SCFD2: variants seen among roughly 807,000 people sequenced by gnomAD.
SCFD2 encodes sec1 family domain containing 2, also known as sec1 family domain-containing protein 2.
SCFD2 carries 54 observed loss-of-function variants against 58.9 expected under a neutral mutation model. The observed-to-expected ratio is 0.92, with a 90% confidence interval of 0.74 to 1.15. The LOEUF (loss-of-function observed/expected upper bound fraction) is 1.15, where lower values mean the gene tolerates loss of function less well. SCFD2 is among the 50% of genes most tolerant of loss of function. The probability of loss-of-function intolerance (pLI) is 0.00; values close to 1 mark genes in which losing one functional copy is unlikely to be tolerated. For synonymous variants in SCFD2, 321 were observed against 335.9 expected (o/e 0.96, Z 0.49); for missense variants, 805 against 836.6 (o/e 0.96, Z 0.47).
At chr4:53,361,563 A>G (rs1438888180) in intron 1 of SCFD2, among the ~76,000 whole-genome samples, 3 of 152,032 alleles carry the variant, frequency 2.0e-5, no homozygotes, top group African/African-American at 7.2e-5. Context: ...TACCTGGCTA[A>G]TTTTTGTATT....
chr4:53,053,598 G>A (rs531794662), intron 5 of SCFD2, among the ~76,000 whole-genome samples: 3 of 152,070 alleles, frequency 2.0e-5, no homozygotes, highest in South Asian at 2.1e-4. Flanking sequence ...ACTGTGCTCC[G>A]ATCATATGGC....
chr4:53,210,502 G>T (rs1216074028), intron 4 of SCFD2, among the ~76,000 whole-genome samples: 1 of 152,090 alleles, frequency 6.6e-6, no homozygotes, highest in East Asian at 1.9e-4. Flanking sequence ...CAGATTGAAT[G>T]CAGAAGGAGA....
chr4:52,946,487 G>C (rs561415329), intron 5 of SCFD2, among the ~76,000 whole-genome samples: 1 of 152,094 alleles, frequency 6.6e-6, no homozygotes, highest in South Asian at 2.1e-4. Flanking sequence ...CTAAAATTCA[G>C]AGTTCCTTCT....
At chr4:53,054,072 G>T (rs1397513662) in intron 5 of SCFD2, among the ~76,000 whole-genome samples, 7 of 152,034 alleles carry the variant, frequency 4.6e-5, no homozygotes, top group Non-Finnish European at 8.8e-5. Context: ...ATTCATCAGT[G>T]TCTCTTCATC....
In SCFD2 at chr4:53,319,219, G is replaced by A. The variant is rs144988438; in HGVS notation, c.1008-5456C>T. 8.4e-3 allele frequency among the ~76,000 whole-genome samples: 1,283 copies of A among 152,270 alleles called. 9 individuals carry two copies. Among genetic ancestry groups the A allele is most frequent in the Non-Finnish European group, 0.011 (762 of 68,006 alleles). ...TAGATCCACATTAATTCCGGAAGCA[G>A]GTAAAGCTCTAAGAACTCTGCACAC... On this transcript the variant is annotated intron_variant, in intron 2 of 8. Coordinates refer to ENST00000401642, the MANE Select transcript of SCFD2 (RefSeq NM_152540.4).
chr4:53,173,885 A>T (rs1727252034), intron 4 of SCFD2, among the ~76,000 whole-genome samples: 1 of 152,200 alleles, frequency 6.6e-6, no homozygotes, highest in Non-Finnish European at 1.5e-5. Flanking sequence ...ACATACACAC[A>T]TCATACAGCA....
At chr4:52,954,352 C>T (rs1158576050) in intron 5 of SCFD2, among the ~76,000 whole-genome samples, 3 of 152,124 alleles carry the variant, frequency 2.0e-5, no homozygotes, top group African/African-American at 4.8e-5. Flanking sequence ...CCATCTTCCT[C>T]AAATCTGTGG....
intron 5 of SCFD2, among the ~76,000 whole-genome samples, chr4:52,992,680 C>A (rs893150088): frequency 1.3e-5 from 2 of 151,998 alleles, no homozygotes; most frequent in Non-Finnish European, 1.5e-5. Flanking sequence ...CTGGCCGCCA[C>A]CCCATCTGGG....
intron 5 of SCFD2, among the ~76,000 whole-genome samples, chr4:53,124,440 A>T (rs1725568196): frequency 6.6e-6 from 1 of 152,202 alleles, no homozygotes; most frequent in Non-Finnish European, 1.5e-5. Context: ...TTATTAAAGA[A>T]AATCAGTTCC....
chr4:52,978,602 T>C (rs1721304523), intron 5 of SCFD2, among the ~76,000 whole-genome samples: 2 of 152,272 alleles, frequency 1.3e-5, no homozygotes, highest in Middle Eastern at 3.4e-3. Flanking sequence ...TGTTTTTAGA[T>C]TGATTTCCTA....
chr4:53,047,125 T>C (rs1445393606), intron 5 of SCFD2, among the ~76,000 whole-genome samples: 1 of 152,210 alleles, frequency 6.6e-6, no homozygotes, highest in East Asian at 1.9e-4. Flanking sequence ...ACAAAGTTCC[T>C]GCTCCCCTGC....
At chr4:53,174,044 G>A (rs1277835982) in intron 4 of SCFD2, among the ~76,000 whole-genome samples, 2 of 151,930 alleles carry the variant, frequency 1.3e-5, no homozygotes. Flanking sequence ...TAAAAAAGAA[G>A]AGTTTTTAAA....
At chr4:53,315,188 C>T (rs1436861908) in intron 2 of SCFD2, among the ~76,000 whole-genome samples, 25 of 135,896 alleles carry the variant, frequency 1.8e-4, no homozygotes, top group Admixed American at 7.8e-4. Flanking sequence ...TACAAAGATA[C>T]ATAAGCTCTA....
chr4:53,199,399 TAAG>T (rs1728158193), intron 4 of SCFD2, among the ~76,000 whole-genome samples: 1 of 152,078 alleles, frequency 6.6e-6, no homozygotes, highest in South Asian at 2.1e-4. Flanking sequence ...TTGTGTAGTA[TAAG>T]AAGAAATACA....
intron 5 of SCFD2, chr4:52,949,078 C>G (rs1298173868): frequency 1.3e-5 from 2 of 152,614 alleles, no homozygotes; most frequent in Non-Finnish European, 2.9e-5. Context: ...TGAGACAAAG[C>G]CAGGTGACCT....
chr4:52,888,102 G>A (rs898473369), intron 7 of SCFD2, among the ~76,000 whole-genome samples: 1 of 151,668 alleles, frequency 6.6e-6, no homozygotes, highest in Non-Finnish European at 1.5e-5. Context: ...AGTAGAGACG[G>A]GGTTTCACCT....
At chr4:53,034,750 A>G (rs1328518854) in intron 5 of SCFD2, among the ~76,000 whole-genome samples, 4 of 152,192 alleles carry the variant, frequency 2.6e-5, no homozygotes, top group Non-Finnish European at 5.9e-5. Context: ...TAAAATACCT[A>G]GGAATCCAAC....
chr4:53,341,801 T>C (rs1260936243), intron 2 of SCFD2, among the ~76,000 whole-genome samples: 1 of 152,172 alleles, frequency 6.6e-6, no homozygotes, highest in African/African-American at 2.4e-5. Flanking sequence ...GGGGCCAATA[T>C]TCAACATGCT....
At chr4:53,242,973 T>A (rs1729947062) in intron 4 of SCFD2, among the ~76,000 whole-genome samples, 1 of 152,062 alleles carries the variant, frequency 6.6e-6, no homozygotes, top group Non-Finnish European at 1.5e-5. Flanking sequence ...CTCTGAGAAA[T>A]ATGGAACTAT....
Sources: allele counts gnomAD v4.1 joint callset (sites outside exome capture counted in the v4.1 genomes callset), GRCh38; gene constraint gnomAD v4.1.1; transcripts MANE v1.5; gene names NCBI Gene and HGNC (gene_info 2026-07-23, HGNC 2026-07-21).